Variants in PDE7B observed in about 807,000 individuals in gnomAD.
PDE7B encodes the protein phosphodiesterase 7B, also known as 3',5'-cyclic-AMP phosphodiesterase 7B.
A neutral mutation model predicts 56.2 loss-of-function variants in PDE7B; 29 were observed. The observed-to-expected ratio is 0.52, with a 90% CI of 0.38 to 0.70. The LOEUF is 0.70. Among genes scored for constraint, PDE7B ranks in the 30% least tolerant of loss-of-function variants. PDE7B has a pLI of 0.00. For missense variants in PDE7B, 490 were observed against 565.0 expected (o/e 0.87, Z 1.35); for synonymous variants, 197 against 196.9 (o/e 1.00, Z 0.00).
chr6:135,993,922 T>C (rs1381094577), intron 2 of PDE7B, among the ~76,000 whole-genome samples: 1 of 152,170 alleles, frequency 6.6e-6, no homozygotes, highest in Non-Finnish European at 1.5e-5. Context: ...CAAAGAGACA[T>C]AGGAGGAGAG....
At chr6:135,945,176 T>G (rs1445042853) in intron 1 of PDE7B, among the ~76,000 whole-genome samples, 1 of 152,148 alleles carries the variant, frequency 6.6e-6, no homozygotes, top group East Asian at 1.9e-4. Context: ...TAGGAACAAA[T>G]ACTATGATCA....
At chr6:135,855,701 C>T (rs1775013817) in intron 1 of PDE7B, among the ~76,000 whole-genome samples, 1 of 152,142 alleles carries the variant, frequency 6.6e-6, no homozygotes. Context: ...TTCATCATTC[C>T]TTGAACTTAA....
At chr6:136,141,655 G>A (rs1778329140) in intron 3 of PDE7B, among the ~76,000 whole-genome samples, 1 of 152,138 alleles carries the variant, frequency 6.6e-6, no homozygotes, top group African/African-American at 2.4e-5. Flanking sequence ...CCTGTTATTG[G>A]TCTATTCAGA....
At chr6:136,173,993 C>A in intron 9 of PDE7B, 105 bp downstream of exon 9, 2 of 771,416 alleles carry the variant, frequency 2.6e-6, no homozygotes, top group Non-Finnish European at 4.5e-6. Context: ...GAGAGCCCCC[C>A]GGCTGTACTT....
At chr6:136,184,304 TCTAATTGGAAAAC>T (rs998373777) in intron 11 of PDE7B, among the ~76,000 whole-genome samples, 1 of 152,150 alleles carries the variant, frequency 6.6e-6, no homozygotes, top group Non-Finnish European at 1.5e-5. Context: ...GAATAAATGA[TCTAATTGGAAAAC>T]CTCTAATGAT....
intron 2 of PDE7B, among the ~76,000 whole-genome samples, chr6:136,001,066 C>A (rs375419762): frequency 6.6e-6 from 1 of 152,322 alleles, no homozygotes; most frequent in Middle Eastern, 3.4e-3. Context: ...CTGCAGCCAC[C>A]GCTGCTGATA....
Position 136,001,570 on chromosome 6 carries a change from C to T in PDE7B, c.82+54046C>T, listed in dbSNP as rs573839934. Reference sequence around the variant, plus strand: ...TGAAGAATGCAGAAGCCTCAGGAGCCGATGCGATCAATTGGAAGAAAGGGT... The same window carrying T: ...TGAAGAATGCAGAAGCCTCAGGAGCTGATGCGATCAATTGGAAGAAAGGGT... On this transcript the variant is annotated intron_variant, in intron 2 of 12. Transcript: ENST00000308191. Among the ~76,000 whole-genome samples, 146 of 151,930 alleles carry T rather than the reference C, an allele frequency of 9.6e-4. 2 individuals are homozygous for T. In the South Asian group the frequency reaches 0.014, roughly 14 times the overall value.
intron 1 of PDE7B, among the ~76,000 whole-genome samples, chr6:135,930,530 G>A (rs1157505476): frequency 6.6e-6 from 1 of 152,150 alleles, no homozygotes; most frequent in Non-Finnish European, 1.5e-5. Flanking sequence ...AGCATAGGAT[G>A]AGAATGCAGT....
At chr6:136,057,075 T>C (rs1010237309) in intron 2 of PDE7B, among the ~76,000 whole-genome samples, 2 of 152,168 alleles carry the variant, frequency 1.3e-5, no homozygotes, top group Admixed American at 6.5e-5. Context: ...AGAAACTGCA[T>C]TGTGGTGCGA....
intron 1 of PDE7B, among the ~76,000 whole-genome samples, chr6:135,867,961 A>G (rs768761302): frequency 1.3e-5 from 2 of 152,202 alleles, no homozygotes; most frequent in Non-Finnish European, 2.9e-5. Flanking sequence ...AAGTAATGCA[A>G]AAAGGTAATC....
At chr6:136,066,058 T>A (rs1161135988) in intron 2 of PDE7B, among the ~76,000 whole-genome samples, 2 of 152,216 alleles carry the variant, frequency 1.3e-5, no homozygotes, top group African/African-American at 2.4e-5. Flanking sequence ...TTGTTTTAAG[T>A]TTTATCCAGG....
At chr6:135,884,593 G>T (rs1339511412) in intron 1 of PDE7B, among the ~76,000 whole-genome samples, 1 of 152,076 alleles carries the variant, frequency 6.6e-6, no homozygotes, top group African/African-American at 2.4e-5. Flanking sequence ...ACACTTGCTG[G>T]TCTTATTCTC....
At chr6:136,113,636 GAGGGACGGAAA>G (rs1048397167) in intron 3 of PDE7B, among the ~76,000 whole-genome samples, 1 of 152,216 alleles carries the variant, frequency 6.6e-6, no homozygotes, top group Non-Finnish European at 1.5e-5. Flanking sequence ...CAGAGAACTG[GAGGGACGGAAA>G]AGTAACGGCT....
intron 3 of PDE7B, among the ~76,000 whole-genome samples, chr6:136,119,092 A>G (rs1374706891): frequency 6.6e-6 from 1 of 152,200 alleles, no homozygotes; most frequent in African/African-American, 2.4e-5. Context: ...GTGACAAATT[A>G]AAGTCAGATT....
At chr6:135,880,296 C>G (rs117502125) in intron 1 of PDE7B, among the ~76,000 whole-genome samples, 22 of 152,282 alleles carry the variant, frequency 1.4e-4, no homozygotes, top group Non-Finnish European at 2.6e-4. Flanking sequence ...CGCTTGGGGC[C>G]ATGTACTTTG....
chr6:136,023,184 A>T (rs1218006047), intron 2 of PDE7B, among the ~76,000 whole-genome samples: 1 of 152,192 alleles, frequency 6.6e-6, no homozygotes, highest in African/African-American at 2.4e-5. Context: ...ACAGTCACTT[A>T]TTCCTTAAGT....
chr6:136,102,795 C>T lies in PDE7B; in HGVS notation c.83-5936C>T, dbSNP rs79018988. ...TGACACTAGTCTAAAACCTGCCTTA[C>T]CTTCTTTAGAAAACAAACACACTAC... On this transcript the variant is annotated intron_variant, in intron 2 of 12. Coordinates refer to ENST00000308191, the MANE Select transcript of PDE7B (RefSeq NM_018945.4). Among the ~76,000 whole-genome samples, 650 of 152,252 alleles carry T rather than the reference C, an allele frequency of 4.3e-3. 3 individuals are homozygous for T. Among genetic ancestry groups the T allele is most frequent in the African/African-American group, 0.015 (624 of 41,528 alleles).
intron 1 of PDE7B, among the ~76,000 whole-genome samples, chr6:135,940,597 T>C (rs1774491336): frequency 6.6e-6 from 1 of 152,238 alleles, no homozygotes; most frequent in Non-Finnish European, 1.5e-5. Context: ...CCTAAACTAC[T>C]TTCTCTCCAG....
intron 1 of PDE7B, among the ~76,000 whole-genome samples, chr6:135,935,190 T>TATA (rs1774395141): frequency 2.8e-5 from 1 of 36,192 alleles, no homozygotes; most frequent in East Asian, 1.3e-3. Flanking sequence ...ATATATTTAT[T>TATA]TATATATATA....
Sources: allele counts gnomAD v4.1 joint callset (sites outside exome capture counted in the v4.1 genomes callset), GRCh38; gene constraint gnomAD v4.1.1; transcripts MANE v1.5; gene names NCBI Gene and HGNC (gene_info 2026-07-23, HGNC 2026-07-21).